The following PPM1F variants were observed in gnomAD, a reference collection of about 807,000 sequenced individuals.
The protein encoded by PPM1F is protein phosphatase, Mg2+/Mn2+ dependent 1F.
In PPM1F, 17 loss-of-function variants were observed where a neutral mutation model predicts 35.5. That is an observed-to-expected ratio of 0.48 (90% CI 0.33 to 0.72). PPM1F has a LOEUF of 0.72. PPM1F is among the 30% of genes least tolerant of loss of function. PPM1F has a pLI of 0.02. For missense variants in PPM1F, 521 were observed against 613.0 expected, an observed-to-expected ratio of 0.85 and a Z score of 1.59; for synonymous variants, 241 against 255.5, an observed-to-expected ratio of 0.94 and a Z score of 0.54.
intron 1 of PPM1F, chr22:21,946,386 G>A (rs1400059162): frequency 2.8e-5 from 6 of 216,458 alleles, no homozygotes; most frequent in Non-Finnish European, 4.6e-5. Context: ...AGGGTGGCCA[G>A]CGTGGCCAGA....
intron 3 of PPM1F, chr22:21,938,266 C>T (rs1426771351): frequency 1.2e-5 from 16 of 1,284,526 alleles, no homozygotes; most frequent in Non-Finnish European, 1.6e-5. Context: ...AGGGCCTGGG[C>T]GGTGGCGGCG....
chr22:21,940,031 C>T (rs561385344), intron 2 of PPM1F, among the ~76,000 whole-genome samples: 1 of 152,174 alleles, frequency 6.6e-6, no homozygotes, highest in East Asian at 1.9e-4. Flanking sequence ...TGAATTGTGT[C>T]CCCCCTAAAT....
rs550888714 is a variant in PPM1F at position 21,938,142 on chromosome 22, G to C, written c.355+1390C>G. 18 of 1,302,644 alleles carry C rather than the reference G, an allele frequency of 1.4e-5. No homozygotes were observed. In the African/African-American group the frequency reaches 2.0e-4, roughly 14 times the overall value. The allele number at this position is 1,302,644 out of a possible 1,614,324, so 80.7% of individuals were successfully genotyped here. On this transcript the variant is annotated intron_variant, in intron 3 of 7. Transcript: ENST00000263212. ...CTAGCTGCGCCCTCCCTCCTTCCCA[G>C]GCCTGCAGGAGCCCCGAGCGTAGGA...
At position 21,923,352 on chromosome 22, in the gene PPM1F, G is replaced by C. The variant is rs1324283360; in HGVS notation, c.1105C>G (p.Gln369Glu). The change falls in exon 8 of 8, where the codon CAG becomes GAG. Residue 369 changes from glutamine (Q) to glutamate (E), a missense_variant. By Grantham distance (29) the Gln-to-Glu change is conservative (BLOSUM62 2). Around this residue, in one of 3 missense-constraint regions of PPM1F, gnomAD observed 163 missense variants for 169.6 expected, o/e 0.96. Transcript: ENST00000263212. ...CTCTGGACCAGGCCAACAACTTCCT[G>C]GTGGGGTACGACGTCAAAGAAGCCA... is the stretch of plus-strand genomic sequence containing the variant. Reference protein sequence around the residue: ...CDGFFDVVPHQEVVGLVQSHL... With the variant: ...CDGFFDVVPHEEVVGLVQSHL... 6.2e-7 allele frequency: 1 copy of C among 1,613,830 alleles called. No homozygotes were observed. The highest frequency in any genetic ancestry group is 1.7e-5 in the Admixed American group (1 of 60,028).
chr22:21,934,514 A>C (rs2070635634), intron 3 of PPM1F: 2 of 417,496 alleles, frequency 4.8e-6, no homozygotes, highest in African/African-American at 2.1e-5. Flanking sequence ...TTTAAAGACA[A>C]AGTACAGAAT....
In PPM1F at chr22:21,934,258, A is replaced by T. The variant is rs1360715689; in HGVS notation, c.356-32T>A. ...GGCACAATGGAGGGATTGTCAGGGA[A>T]GTGCCAACCAAGCCAGCTGAGGCCT... On this transcript the variant is annotated intron_variant, in intron 3 of 7. Coordinates refer to ENST00000263212, the MANE Select transcript of PPM1F (RefSeq NM_014634.4). 2.6e-6 allele frequency: 4 copies of T among 1,530,462 alleles called. No homozygotes were observed. The African/African-American group carries it at 4.1e-5, about 16-fold the overall frequency. The allele number at this position is 1,530,462 out of a possible 1,614,324, so 94.8% of individuals were successfully genotyped here.
At position 21,939,308 on chromosome 22, in the gene PPM1F, T is replaced by C; in HGVS notation, c.355+224A>G. ...GGAGGGTGTCTGCACCACCCACCCC[T>C]GCCTCGTGGGCTGACTGGGAACTAT... On this transcript the variant is annotated intron_variant, in intron 3 of 7. Coordinates refer to ENST00000263212, the MANE Select transcript of PPM1F (RefSeq NM_014634.4). The surrounding 1 kb of genome is among the most constrained non-coding windows in gnomAD (Gnocchi z 5.1). The C allele has an allele frequency of 3.4e-6, 2 of 591,650 alleles. No homozygotes were observed. The highest frequency in any genetic ancestry group is 5.9e-6 in the Non-Finnish European group (2 of 337,634). The allele number at this position is 591,650 out of a possible 1,614,324, so 36.7% of individuals were successfully genotyped here. A position where few individuals can be genotyped will look rare whatever the true frequency, so the allele number is the denominator to read the frequency against.
intron 5 of PPM1F, among the ~76,000 whole-genome samples, chr22:21,931,631 G>T (rs565722120): frequency 2.0e-4 from 31 of 152,128 alleles, no homozygotes; most frequent in African/African-American, 6.7e-4. Context: ...TCCTGCCTCA[G>T]CCTCCCAAGT....
chr22:21,944,151 A>G (rs1370466794), intron 2 of PPM1F: 1 of 152,288 alleles, frequency 6.6e-6, no homozygotes, highest in Non-Finnish European at 1.5e-5. Context: ...CTGGGGGCTG[A>G]TTCACTTTGT....
Position 21,933,523 on chromosome 22 carries a change from A to C in PPM1F, c.615T>G (p.Ala205=). ...GCACGTGGACAGCGGCGTACCTCGCAGCATCCACGCCTCCGTGACCATCAA... is the reference window on the plus strand; with the variant it reads ...GCACGTGGACAGCGGCGTACCTCGCCGCATCCACGCCTCCGTGACCATCAA... ...AVFDGHGGVD[A]ARYAAVHVHT... is the part of the protein sequence containing the mutation. The change falls in exon 5 of 8, where the codon GCT becomes GCG. Residue 205 remains alanine, a synonymous_variant. Coordinates refer to ENST00000263212, the MANE Select transcript of PPM1F (RefSeq NM_014634.4). 6.2e-7 allele frequency: 1 copy of C among 1,613,750 alleles called. No individual in the cohort carries two copies. The highest frequency in any genetic ancestry group is 8.5e-7 in the Non-Finnish European group (1 of 1,179,976).
In PPM1F at chr22:21,923,312, T is replaced by C. The variant is rs1476285320; in HGVS notation, c.1145A>G (p.Gln382Arg). 1.2e-6 allele frequency: 2 copies of C among 1,613,596 alleles called. No individual in the cohort carries two copies. The highest frequency in any genetic ancestry group is 1.7e-6 in the Non-Finnish European group (2 of 1,179,924). The part of the protein sequence containing the change: ...VGLVQSHLTR[Q>R]QGSGLRVAEE... ...GGCGACACGGAGCCCGCTGCCCTGCTGCCTGGTCAGGTGGCTCTGGACCAG... is the reference window on the plus strand; with the variant it reads ...GGCGACACGGAGCCCGCTGCCCTGCCGCCTGGTCAGGTGGCTCTGGACCAG... The change falls in exon 8 of 8, where the codon CAG (glutamine) becomes CGG (arginine). Residue 382 changes from glutamine to arginine, a missense_variant. Gln to Arg is a conservative substitution (Grantham distance 43). Around this residue, in one of 3 missense-constraint regions of PPM1F, gnomAD observed 163 missense variants for 169.6 expected, o/e 0.96. Coordinates refer to ENST00000263212, the MANE Select transcript of PPM1F (RefSeq NM_014634.4).
At chr22:21,947,229 C>G (rs2070785650) in intron 1 of PPM1F, 1 of 152,722 alleles carries the variant, frequency 6.5e-6, no homozygotes, top group Non-Finnish European at 1.5e-5. Flanking sequence ...CTCTCCAGCG[C>G]CCCCCCTTCC....
chr22:21,933,426 T>C lies in PPM1F; in HGVS notation c.712A>G (p.Thr238Ala), dbSNP rs1357141521. The change falls in exon 5 of 8, where the codon ACC becomes GCC. Residue 238 changes from threonine (T) to alanine (A), a missense_variant. Coordinates refer to ENST00000263212, the MANE Select transcript of PPM1F (RefSeq NM_014634.4). ...GCTTTCCTGAGAAACATCTGGTCGG[T>C]GCGCCGGAAGGCTTCTCTGAGGGCT... ...EGALREAFRRTDQMFLRKAKR... is the reference protein window; with the variant it reads ...EGALREAFRRADQMFLRKAKR... 3 of 1,612,370 alleles carry C rather than the reference T, an allele frequency of 1.9e-6. No individual in the cohort carries two copies. The highest frequency in any genetic ancestry group is 1.7e-5 in the Admixed American group (1 of 60,012).
intron 3 of PPM1F, chr22:21,936,069 TGGGGCAGGA>T (rs2070655166): frequency 6.6e-6 from 1 of 152,160 alleles, no homozygotes; most frequent in Non-Finnish European, 1.5e-5. Context: ...TTCGGGAGGC[TGGGGCAGGA>T]GGATCCCTTG....
In PPM1F at chr22:21,939,260, G is replaced by C; in HGVS notation, c.355+272C>G. On this transcript the variant is annotated intron_variant, in intron 3 of 7. Coordinates refer to ENST00000263212, the MANE Select transcript of PPM1F (RefSeq NM_014634.4). The surrounding 1 kb of genome is among the most constrained non-coding windows in gnomAD (Gnocchi z 5.1). ...ATCTTTAATTTCCTGGGCTGTTCTG[G>C]AACTTCAGTCAGACAGGACACAGGA... 2.1e-6 allele frequency: 1 copy of C among 475,228 alleles called. No individual in the cohort carries two copies. Among genetic ancestry groups the C allele is most frequent in the East Asian group, 3.7e-5 (1 of 26,736 alleles). 29.4% of individuals were successfully genotyped at this position (475,228 alleles called of 1,614,324 possible).
chr22:21,926,252 C>T (rs1273995152), intron 6 of PPM1F, among the ~76,000 whole-genome samples: 1 of 151,936 alleles, frequency 6.6e-6, no homozygotes, highest in African/African-American at 2.4e-5. Flanking sequence ...CTGCCTCAGC[C>T]TCCTGAGTAG....
At chr22:21,946,336 T>G in intron 1 of PPM1F, 1 of 324,284 alleles carries the variant, frequency 3.1e-6, no homozygotes, top group Non-Finnish European at 5.7e-6. Context: ...TGGGTGGACA[T>G]TGTCAAGAAG....
intron 2 of PPM1F, among the ~76,000 whole-genome samples, chr22:21,940,413 C>T (rs2070711910): frequency 6.6e-6 from 1 of 151,674 alleles, no homozygotes; most frequent in Admixed American, 6.6e-5. Flanking sequence ...GTGGAGGTTG[C>T]AGTGAGCCAA....
chr22:21,927,132 C>CT (rs530533805), intron 6 of PPM1F, among the ~76,000 whole-genome samples: 158 of 152,324 alleles, frequency 1.0e-3, no homozygotes, highest in African/African-American at 3.5e-3. Context: ...TCAAGGCTCT[C>CT]TCTGGGTCTA....
Sources: gnomAD v4.1 joint callset for allele counts (sites outside exome capture counted in the v4.1 genomes callset) on GRCh38, gnomAD v4.1.1 for gene constraint, gnomAD v4.1.1 regional missense constraint, Gnocchi (gnomAD v3.1) non-coding constraint, MANE v1.5 for transcripts, NCBI Gene and HGNC (gene_info 2026-07-23, HGNC 2026-07-21) for gene names.